Variants in RALYL observed in about 807,000 individuals in gnomAD.
RALYL encodes the protein RALY RNA binding protein like.
A neutral mutation model predicts 35.1 loss-of-function variants in RALYL; 29 were observed. The observed-to-expected ratio is 0.83, with a 90% CI of 0.61 to 1.13. The LOEUF is 1.13. Among genes scored for constraint, RALYL ranks in the 50% most tolerant of loss-of-function variants. The probability of loss-of-function intolerance (pLI) is 0.00; values close to 1 mark genes in which losing one functional copy is unlikely to be tolerated. For missense variants in RALYL, 359 were observed against 360.4 expected (o/e 1.00, Z 0.03); for synonymous variants, 120 against 127.6 (o/e 0.94, Z 0.40).
chr8:84,680,565 A>T (rs1457461793), intron 2 of RALYL, among the ~76,000 whole-genome samples: 3 of 152,026 alleles, frequency 2.0e-5, no homozygotes, highest in Non-Finnish European at 4.4e-5. Flanking sequence ...ATGGTATCTC[A>T]TTGTGGTTTT....
At chr8:84,415,014 C>A (rs1333649402) in intron 1 of RALYL, among the ~76,000 whole-genome samples, 1 of 152,018 alleles carries the variant, frequency 6.6e-6, no homozygotes, top group Non-Finnish European at 1.5e-5. Flanking sequence ...TCATAGGTCA[C>A]TGGAATGGTC....
At chr8:84,891,243 T>C (rs1587004059) in intron 8 of RALYL, among the ~76,000 whole-genome samples, 2 of 152,158 alleles carry the variant, frequency 1.3e-5, no homozygotes, top group Non-Finnish European at 1.5e-5. Flanking sequence ...AAGACAGTTA[T>C]GGAAAGGCTG....
chr8:84,901,227 G>C (rs1479290447), intron 8 of RALYL, among the ~76,000 whole-genome samples: 1 of 152,122 alleles, frequency 6.6e-6, no homozygotes, highest in Non-Finnish European at 1.5e-5. Context: ...AATGCTCTAA[G>C]AAAAGGGAGG....
At chr8:84,916,473 G>A (rs546851300) in intron 8 of RALYL, among the ~76,000 whole-genome samples, 5 of 151,968 alleles carry the variant, frequency 3.3e-5, no homozygotes, top group Non-Finnish European at 5.9e-5. Flanking sequence ...CATCTTTCCC[G>A]TGCTGTTCTT....
At chr8:84,209,585 A>G (rs544937937) in intron 1 of RALYL, among the ~76,000 whole-genome samples, 1 of 152,144 alleles carries the variant, frequency 6.6e-6, no homozygotes, top group African/African-American at 2.4e-5. Context: ...CCTTATGCCA[A>G]ATTTAGAATT....
chr8:84,777,718 T>G (rs751127019), intron 3 of RALYL, among the ~76,000 whole-genome samples: 1 of 152,144 alleles, frequency 6.6e-6, no homozygotes, highest in East Asian at 1.9e-4. Context: ...CTCAGCTCAG[T>G]GCAAGCTCCG....
At chr8:84,702,281 A>G (rs1840324828) in intron 2 of RALYL, among the ~76,000 whole-genome samples, 1 of 152,104 alleles carries the variant, frequency 6.6e-6, no homozygotes, top group Non-Finnish European at 1.5e-5. Context: ...CCTTTTAGGT[A>G]AGTTTCCCCT....
At chr8:84,350,586 T>C (rs1323433143) in intron 1 of RALYL, among the ~76,000 whole-genome samples, 3 of 150,138 alleles carry the variant, frequency 2.0e-5, no homozygotes, top group Admixed American at 2.0e-4. Flanking sequence ...AAGCCATGCA[T>C]GTATTACCTC....
chr8:84,215,714 G>A (rs898791159), intron 1 of RALYL, among the ~76,000 whole-genome samples: 6 of 151,784 alleles, frequency 4.0e-5, no homozygotes, highest in African/African-American at 1.2e-4. Flanking sequence ...TTTCTAATTC[G>A]GAGGTTTGGT....
chr8:84,820,624 T>C (rs1312330051), intron 4 of RALYL, among the ~76,000 whole-genome samples: 6 of 152,140 alleles, frequency 3.9e-5, no homozygotes, highest in Non-Finnish European at 7.4e-5. Flanking sequence ...CGATGATAGT[T>C]TGCTTCACCT....
intron 1 of RALYL, among the ~76,000 whole-genome samples, chr8:84,518,688 G>A (rs2058240874): frequency 6.6e-6 from 1 of 152,130 alleles, no homozygotes; most frequent in South Asian, 2.1e-4. Context: ...AGAAATTTCA[G>A]GGGATTGATT....
intron 1 of RALYL, among the ~76,000 whole-genome samples, chr8:84,419,579 G>A (rs2045214625): frequency 6.6e-6 from 1 of 150,894 alleles, no homozygotes; most frequent in African/African-American, 2.4e-5. Context: ...AAGTTTTAGG[G>A]TACATGTGCA....
At chr8:84,554,291 T>G (rs1471274858) in intron 2 of RALYL, among the ~76,000 whole-genome samples, 1 of 152,198 alleles carries the variant, frequency 6.6e-6, no homozygotes, top group Admixed American at 6.5e-5. Context: ...TGTAACAATT[T>G]ACGGTAGTTC....
chr8:84,592,786 T>C (rs533288060), intron 2 of RALYL, among the ~76,000 whole-genome samples: 59 of 152,302 alleles, frequency 3.9e-4, no homozygotes, highest in African/African-American at 1.3e-3. Flanking sequence ...TCAGTAACTA[T>C]GAAAATAAAT....
intron 2 of RALYL, among the ~76,000 whole-genome samples, chr8:84,698,519 T>C (rs1178030461): frequency 2.6e-5 from 4 of 152,030 alleles, no homozygotes; most frequent in African/African-American, 9.7e-5. Flanking sequence ...GCATCATGTA[T>C]TTATTACCTG....
intron 5 of RALYL, among the ~76,000 whole-genome samples, chr8:84,860,142 A>G (rs2135019572): frequency 6.6e-6 from 1 of 152,336 alleles, no homozygotes; most frequent in Non-Finnish European, 1.5e-5. Context: ...CTATAAAAGT[A>G]GTATTAAATT....
At chr8:84,556,820 T>A (rs2061155523) in intron 2 of RALYL, among the ~76,000 whole-genome samples, 1 of 151,990 alleles carries the variant, frequency 6.6e-6, no homozygotes, top group Non-Finnish European at 1.5e-5. Flanking sequence ...TCAGCCTGAG[T>A]CTCTAAGACA....
intron 4 of RALYL, among the ~76,000 whole-genome samples, chr8:84,842,345 C>T (rs549049617): frequency 7.2e-5 from 11 of 152,192 alleles, no homozygotes; most frequent in South Asian, 6.2e-4. Context: ...AACACCTCTA[C>T]GCAAATAAAC....
Position 84,233,248 on chromosome 8 carries a change from G to T in RALYL, c.-24+48824G>T, listed in dbSNP as rs527731557. ...CATCTTCCCGACTTGGGCTCCCAAAGCTCTGGGATTACAGAGTCGCATTCA... is the reference window on the plus strand; with the variant it reads ...CATCTTCCCGACTTGGGCTCCCAAATCTCTGGGATTACAGAGTCGCATTCA... On this transcript the variant is annotated intron_variant, in intron 1 of 8. Transcript: ENST00000521268. Among the ~76,000 whole-genome samples, 4 of 152,226 alleles carry T rather than the reference G, an allele frequency of 2.6e-5. No homozygotes were observed. The South Asian group carries it at 8.3e-4, about 32-fold the overall frequency.
Sources: allele counts gnomAD v4.1 joint callset (sites outside exome capture counted in the v4.1 genomes callset), GRCh38; gene constraint gnomAD v4.1.1; transcripts MANE v1.5; gene names NCBI Gene and HGNC (gene_info 2026-07-23, HGNC 2026-07-21).